The following LRMDA variants were observed in gnomAD, a reference collection of about 807,000 sequenced individuals.
LRMDA encodes leucine rich melanocyte differentiation associated, also known as leucine-rich melanocyte differentiation-associated protein.
Under a neutral mutation model 29.8 loss-of-function variants are expected in LRMDA, and 18 were observed. The ratio of observed to expected loss-of-function variants is 0.60; its 90% CI spans 0.42 to 0.90. LRMDA has a LOEUF of 0.90. Among genes scored for constraint, LRMDA ranks in the 40% least tolerant of loss-of-function variants. The pLI is 0.00. For synonymous variants in LRMDA, 125 were observed against 109.4 expected (o/e 1.14, Z -0.89); for missense variants, 273 against 273.9 (o/e 1.00, Z 0.02).
At chr10:76,014,126 T>TA (rs1413994087) in intron 2 of LRMDA, among the ~76,000 whole-genome samples, 16 of 67,284 alleles carry the variant, frequency 2.4e-4, no homozygotes, top group African/African-American at 4.3e-4. Context: ...ATATATATAA[T>TA]TATATATATA....
At chr10:76,092,231 C>T (rs1244515648) in intron 5 of LRMDA, among the ~76,000 whole-genome samples, 2 of 152,214 alleles carry the variant, frequency 1.3e-5, no homozygotes, top group South Asian at 2.1e-4. Context: ...AGGACTTTCG[C>T]ACCCTGCAGG....
At chr10:75,573,775 AATTTTT>A (rs1434053991) in intron 2 of LRMDA, among the ~76,000 whole-genome samples, 3 of 152,082 alleles carry the variant, frequency 2.0e-5, no homozygotes, top group Admixed American at 2.0e-4. Context: ...TGTGGTTTAT[AATTTTT>A]ATTTTGTTTT....
chr10:76,104,709 C>T (rs1849451401), intron 5 of LRMDA, among the ~76,000 whole-genome samples: 1 of 152,120 alleles, frequency 6.6e-6, no homozygotes, highest in Non-Finnish European at 1.5e-5. Context: ...CTCTTTCTTG[C>T]CAGGGTCATG....
chr10:76,237,988 G>T (rs1197430239), intron 5 of LRMDA, among the ~76,000 whole-genome samples: 2 of 151,682 alleles, frequency 1.3e-5, no homozygotes, highest in South Asian at 2.1e-4. Context: ...ATGGGGTTTT[G>T]CCATATTGGC....
intron 6 of LRMDA, among the ~76,000 whole-genome samples, chr10:76,444,727 C>T (rs1842336531): frequency 1.3e-5 from 2 of 151,956 alleles, no homozygotes; most frequent in Admixed American, 6.6e-5. Context: ...GTGAGTAATA[C>T]TAAACAAAGG....
At chr10:76,517,404 G>C (rs1409037495) in intron 6 of LRMDA, among the ~76,000 whole-genome samples, 1 of 152,076 alleles carries the variant, frequency 6.6e-6, no homozygotes, top group African/African-American at 2.4e-5. Context: ...CAGATTTCTT[G>C]GCATCAAAAT....
At chr10:76,008,481 A>G (rs901783453) in intron 2 of LRMDA, among the ~76,000 whole-genome samples, 5 of 152,236 alleles carry the variant, frequency 3.3e-5, no homozygotes, top group African/African-American at 1.2e-4. Flanking sequence ...GGAAAAACAA[A>G]AAACAAACAC....
At chr10:75,892,124 C>G (rs570655184) in intron 2 of LRMDA, among the ~76,000 whole-genome samples, 1 of 152,226 alleles carries the variant, frequency 6.6e-6, no homozygotes, top group Non-Finnish European at 1.5e-5. Flanking sequence ...GGAACTTAAT[C>G]AGCTCTAATG....
chr10:76,184,772 C>T (rs113735698), intron 5 of LRMDA, among the ~76,000 whole-genome samples: 1 of 152,114 alleles, frequency 6.6e-6, no homozygotes, highest in Non-Finnish European at 1.5e-5. Context: ...CTTCTTTTCC[C>T]CCAGTACGTG....
At chr10:75,698,577 C>T (rs1842267252) in intron 2 of LRMDA, among the ~76,000 whole-genome samples, 1 of 152,038 alleles carries the variant, frequency 6.6e-6, no homozygotes, top group African/African-American at 2.4e-5. Flanking sequence ...CAGAGGCCAC[C>T]TGGGAACTCT....
intron 2 of LRMDA, among the ~76,000 whole-genome samples, chr10:75,936,701 A>T (rs989199394): frequency 1.4e-4 from 21 of 152,166 alleles, no homozygotes; most frequent in African/African-American, 5.1e-4. Context: ...CAGCGACGTC[A>T]TATTGTGTCT....
intron 2 of LRMDA, among the ~76,000 whole-genome samples, chr10:75,561,488 G>A (rs971316025): frequency 3.3e-5 from 5 of 151,934 alleles, no homozygotes; most frequent in Admixed American, 3.3e-4. Context: ...CCAGCTCCTG[G>A]ATTCATTAAT....
intron 5 of LRMDA, among the ~76,000 whole-genome samples, chr10:76,259,908 T>G (rs1839911475): frequency 6.6e-6 from 1 of 152,148 alleles, no homozygotes; most frequent in African/African-American, 2.4e-5. Context: ...ATGCTTGCTT[T>G]TGGTTTCTCT....
intron 3 of LRMDA, among the ~76,000 whole-genome samples, chr10:76,041,555 G>A (rs1326374295): frequency 6.6e-6 from 1 of 152,192 alleles, no homozygotes; most frequent in Admixed American, 6.5e-5. Flanking sequence ...AATCATCCCA[G>A]TGGTTATGGA....
chr10:76,158,476 T>C (rs1850583685), intron 5 of LRMDA, among the ~76,000 whole-genome samples: 1 of 152,130 alleles, frequency 6.6e-6, no homozygotes, highest in Admixed American at 6.6e-5. Context: ...ACATGGTCCT[T>C]TGTGATTTAG....
intron 2 of LRMDA, among the ~76,000 whole-genome samples, chr10:75,833,365 G>GT (rs759062210): frequency 6.4e-4 from 97 of 152,080 alleles, no homozygotes; most frequent in Admixed American, 1.5e-3. Flanking sequence ...TCAAGAAGAT[G>GT]TATCTTGTTC....
At chr10:76,272,846 G>C (rs924097026) in intron 5 of LRMDA, among the ~76,000 whole-genome samples, 4 of 152,208 alleles carry the variant, frequency 2.6e-5, no homozygotes, top group African/African-American at 9.6e-5. Flanking sequence ...AGAGCAAAGG[G>C]GGAACTGCCA....
intron 2 of LRMDA, among the ~76,000 whole-genome samples, chr10:75,732,516 A>C (rs1842712117): frequency 1.3e-5 from 2 of 152,250 alleles, no homozygotes; most frequent in African/African-American, 4.8e-5. Flanking sequence ...ATTGCAATTT[A>C]GAATTCTCCA....
intron 2 of LRMDA, among the ~76,000 whole-genome samples, chr10:75,676,382 G>A (rs1163923374): frequency 6.6e-6 from 1 of 152,154 alleles, no homozygotes; most frequent in Non-Finnish European, 1.5e-5. Context: ...AATGATCTTC[G>A]TAATTTTTTA....
Sources: allele counts gnomAD v4.1 joint callset (sites outside exome capture counted in the v4.1 genomes callset), GRCh38; gene constraint gnomAD v4.1.1; transcripts MANE v1.5; gene names NCBI Gene and HGNC (gene_info 2026-07-23, HGNC 2026-07-21).